Variants in SLCO6A1 observed in about 807,000 individuals in gnomAD.
The protein encoded by SLCO6A1 is cancer/testis antigen 48.
In SLCO6A1, 65 loss-of-function variants were observed where a neutral mutation model predicts 72.7. That is an observed-to-expected ratio of 0.89 (90% CI 0.73 to 1.10). The LOEUF is 1.10. Ranked by LOEUF, SLCO6A1 falls within the 50% of genes least tolerant of loss-of-function variation. The pLI, the probability that SLCO6A1 is intolerant of heterozygous loss-of-function variation, is 0.00. For synonymous variants in SLCO6A1, 314 were observed against 298.2 expected, an observed-to-expected ratio of 1.05 and a Z score of -0.55; for missense variants, 874 against 872.6, an observed-to-expected ratio of 1.00 and a Z score of -0.02.
At chr5:102,457,261 T>A (rs991691356) in intron 6 of SLCO6A1, among the ~76,000 whole-genome samples, 2 of 136,710 alleles carry the variant, frequency 1.5e-5, no homozygotes, top group South Asian at 2.5e-4. Context: ...TGGGATCTAA[T>A]TAAACTAAAG....
chr5:102,427,089 A>C (rs1561452214), intron 7 of SLCO6A1, among the ~76,000 whole-genome samples: 1 of 152,106 alleles, frequency 6.6e-6, no homozygotes, highest in Non-Finnish European at 1.5e-5. Context: ...GAAAGTGTTC[A>C]TATAAATAAA....
intron 8 of SLCO6A1, 59 bp downstream of exon 8, chr5:102,419,767 C>T (rs1194264602): frequency 3.8e-6 from 5 of 1,307,424 alleles, no homozygotes; most frequent in Non-Finnish European, 4.2e-6. Flanking sequence ...TTATTAATTG[C>T]CTGAGGAATA....
At chr5:102,443,588 G>T (rs773032971) in intron 6 of SLCO6A1, among the ~76,000 whole-genome samples, 1 of 152,138 alleles carries the variant, frequency 6.6e-6, no homozygotes, top group African/African-American at 2.4e-5. Context: ...GCCAAAAACT[G>T]TAACAGTTTT....
chr5:102,442,806 G>A (rs1474357157), intron 6 of SLCO6A1, among the ~76,000 whole-genome samples: 1 of 152,220 alleles, frequency 6.6e-6, no homozygotes, highest in Non-Finnish European at 1.5e-5. Context: ...GCTCATGCCT[G>A]TATTCCCAGC....
rs1424826389 is a variant in SLCO6A1, at chr5:102,498,902, G to C, written c.-58C>G. 2.7e-6 allele frequency: 4 copies of C among 1,495,980 alleles called. No individual in the cohort carries two copies. The African/African-American group carries it at 5.6e-5, about 21-fold the overall frequency. The allele number at this position is 1,495,980 out of a possible 1,614,324, so 92.7% of individuals were successfully genotyped here. A position where few individuals can be genotyped will look rare whatever the true frequency, so the allele number is the denominator to read the frequency against. ...CCGAGTGCTCTCGGCTGCCCGTCCTGCCTGGGCCAACCCAAAGGCCAGCCT... is the reference window on the plus strand; with the variant it reads ...CCGAGTGCTCTCGGCTGCCCGTCCTCCCTGGGCCAACCCAAAGGCCAGCCT... On this transcript the variant is annotated 5_prime_UTR_variant, in exon 1 of 14. Transcript: ENST00000506729.
intron 9 of SLCO6A1, among the ~76,000 whole-genome samples, chr5:102,406,764 T>C (rs1747692830): frequency 6.6e-6 from 1 of 152,202 alleles, no homozygotes. Context: ...ACATTAATAC[T>C]AGAACTAAAA....
intron 12 of SLCO6A1, among the ~76,000 whole-genome samples, chr5:102,379,212 C>A (rs185617639): frequency 1.3e-5 from 2 of 151,838 alleles, no homozygotes; most frequent in Non-Finnish European, 2.9e-5. Context: ...ATAATTAGTT[C>A]TTTTTCACTT....
intron 12 of SLCO6A1, among the ~76,000 whole-genome samples, chr5:102,374,157 C>T (rs1378158372): frequency 6.6e-6 from 1 of 152,042 alleles, no homozygotes; most frequent in Non-Finnish European, 1.5e-5. Context: ...CCCACTTCAG[C>T]ATGTGCCACC....
intron 4 of SLCO6A1, among the ~76,000 whole-genome samples, chr5:102,460,564 T>C (rs1305628174): frequency 6.6e-6 from 1 of 152,128 alleles, no homozygotes; most frequent in Non-Finnish European, 1.5e-5. Context: ...TTCTATCATT[T>C]AAGGAGGAGA....
At chr5:102,391,180 T>C (rs1295327667) in intron 10 of SLCO6A1, 135 bp from the exon 11 acceptor site, 1 of 791,700 alleles carries the variant, frequency 1.3e-6, no homozygotes, top group Non-Finnish European at 2.1e-6. Context: ...ATTGACAGAG[T>C]TTAAGCTGGC....
intron 7 of SLCO6A1, among the ~76,000 whole-genome samples, chr5:102,427,109 TAA>T (rs1490186850): frequency 6.7e-6 from 1 of 150,334 alleles, no homozygotes; most frequent in East Asian, 2.0e-4. Context: ...AGAAGAAAAA[TAA>T]AAAGAGATGA....
intron 9 of SLCO6A1, among the ~76,000 whole-genome samples, chr5:102,402,400 G>A (rs1747448607): frequency 1.3e-5 from 2 of 152,094 alleles, no homozygotes; most frequent in Non-Finnish European, 2.9e-5. Context: ...GGATAGTAGA[G>A]GTAATGCCTG....
At chr5:102,379,072 C>T (rs1157191979) in intron 12 of SLCO6A1, among the ~76,000 whole-genome samples, 2 of 152,100 alleles carry the variant, frequency 1.3e-5, no homozygotes, top group Admixed American at 6.6e-5. Context: ...TGAGCAACTG[C>T]ACCCAGTCCT....
intron 1 of SLCO6A1, among the ~76,000 whole-genome samples, chr5:102,497,286 G>A (rs1232172942): frequency 6.6e-6 from 1 of 152,184 alleles, no homozygotes; most frequent in Non-Finnish European, 1.5e-5. Flanking sequence ...ATTCATAGAT[G>A]AGGAAAAAAG....
intron 6 of SLCO6A1, among the ~76,000 whole-genome samples, chr5:102,449,637 C>A (rs1009126851): frequency 6.6e-6 from 1 of 152,132 alleles, no homozygotes; most frequent in South Asian, 2.1e-4. Flanking sequence ...CCGCCCGCCT[C>A]GGCCCCCCAA....
chr5:102,421,955 T>A (rs1748631260), intron 7 of SLCO6A1, among the ~76,000 whole-genome samples: 1 of 152,182 alleles, frequency 6.6e-6, no homozygotes, highest in African/African-American at 2.4e-5. Context: ...CTCTGCAGTC[T>A]CTGCTGGTGA....
chr5:102,454,098 A>G (rs2060836), intron 6 of SLCO6A1, among the ~76,000 whole-genome samples: 96,401 of 151,578 alleles, frequency 0.64, 30,814 homozygotes, highest in African/African-American at 0.66. Context: ...CCTAACAACT[A>G]TTGCTGCCTC....
intron 4 of SLCO6A1, among the ~76,000 whole-genome samples, chr5:102,474,128 G>A (rs1751771982): frequency 6.6e-6 from 1 of 151,752 alleles, no homozygotes; most frequent in Admixed American, 6.6e-5. Context: ...AAATCAATCT[G>A]CAAAAAGAAA....
In SLCO6A1 at chr5:102,399,729, C is replaced by T. The variant is rs781728257; in HGVS notation, c.1640G>A (p.Cys547Tyr). ...TATTAATCCTTCTTTAATGCAAGAA[C>T]AATTGTAGTACATCTGTGAGTATTG... ...AQNQKKMYYN[C>Y]SCIKEGLITA... The change falls in exon 10 of 14, where the codon TGT becomes TAT. Residue 547 changes from cysteine to tyrosine, a missense_variant. Transcript: ENST00000506729. 3.2e-6 allele frequency: 5 copies of T among 1,573,746 alleles called. No individual in the cohort carries two copies. The East Asian group carries it at 6.8e-5, about 21-fold the overall frequency.
Sources: gnomAD v4.1 joint callset for allele counts (sites outside exome capture counted in the v4.1 genomes callset) on GRCh38, gnomAD v4.1.1 for gene constraint, MANE v1.5 for transcripts, NCBI Gene and HGNC (gene_info 2026-07-23, HGNC 2026-07-21) for gene names.